Variants in AMZ1 observed in about 807,000 individuals in gnomAD.
AMZ1 encodes archaemetzincin-1.
In AMZ1, 39 loss-of-function variants were observed where a neutral mutation model predicts 29.9. The ratio of observed to expected loss-of-function variants is 1.30; its 90% confidence interval spans 1.01 to 1.70. The LOEUF is 1.70. AMZ1 is among the 40% of genes most tolerant of loss of function. The pLI, the probability that AMZ1 is intolerant of heterozygous loss-of-function variation, is 0.00. For missense variants in AMZ1, 1,041 were observed against 680.6 expected, an observed-to-expected ratio of 1.53 and a Z score of -5.89; for synonymous variants, 458 against 304.0, an observed-to-expected ratio of 1.51 and a Z score of -5.27.
chr7:2,743,462 C>T (rs1790607895), intron 4 of AMZ1, among the ~76,000 whole-genome samples: 1 of 152,164 alleles, frequency 6.6e-6, no homozygotes, highest in Non-Finnish European at 1.5e-5. Flanking sequence ...GATGGCTTGA[C>T]ACAGACTTTA....
intron 1 of AMZ1, among the ~76,000 whole-genome samples, chr7:2,692,409 G>A (rs1008438015): frequency 3.9e-5 from 6 of 152,232 alleles, no homozygotes; most frequent in African/African-American, 1.2e-4. Flanking sequence ...GGGTGTGGTG[G>A]CGGGCGCCTT....
rs1310898869 is a variant in AMZ1, at chr7:2,731,325, G to A, written n.550+21509G>A. 1 of 1,614,060 alleles carries A rather than the reference G, an allele frequency of 6.2e-7. No homozygotes were observed. Among genetic ancestry groups the A allele is most frequent in the Non-Finnish European group, 8.5e-7 (1 of 1,180,000 alleles). The stretch of plus-strand genomic sequence containing the variant: ...TGCGGTTCCGTCTCTTCCTGTCGAA[G>A]CACTGGACCAGGTAGCGCTGGACGT... On this transcript the variant is annotated intron_variant and non_coding_transcript_variant, in intron 4 of 4. Transcript: ENST00000489665. This position sits in a 1 kb window ranked among gnomAD's most constrained non-coding sequence, Gnocchi z 6.0.
At position 2,715,643 on chromosome 7, in the gene AMZ1, G is replaced by C. The variant is rs572474516; in HGVS notation, c.*2765G>C. 2 of 152,290 alleles carry C rather than the reference G, an allele frequency of 1.3e-5. No homozygotes were observed. Among genetic ancestry groups the C allele is most frequent in the East Asian group, 3.9e-4 (2 of 5,188 alleles). 9.4% of individuals were successfully genotyped at this position (152,290 alleles called of 1,614,324 possible). On this transcript the variant is annotated 3_prime_UTR_variant, in exon 7 of 7. Transcript: ENST00000683327. ...GATGTCAGTGAAATTTTTTAAGACA[G>C]CTGTTAGAAGGACTGTTTTGAAATG...
In AMZ1 at chr7:2,708,813, C is replaced by G. The variant is rs544409344; in HGVS notation, c.601+97C>G. ...GCACCCTCTTTGCTTTTGCTTCAAG[C>G]ACCCTCCTGGTGGAAGTCAACACCT... On this transcript the variant is annotated intron_variant, in intron 4 of 6. Transcript: ENST00000683327. The G allele has an allele frequency of 6.4e-6, 10 of 1,570,080 alleles. No homozygotes were observed. The South Asian group carries it at 1.0e-4, about 16-fold the overall frequency.
In AMZ1 at chr7:2,727,726, G is replaced by A. The variant is rs1391433394; in HGVS notation, n.550+17910G>A. Among the ~76,000 whole-genome samples the A allele has an allele frequency of 6.6e-5, 10 of 152,220 alleles. No homozygotes were observed. The South Asian group carries it at 1.7e-3, about 25-fold the overall frequency. ...GGTATGTGGAAATAAAAACTGTGAT[G>A]AATAAATAATAAACCACCTTCAAAT... On this transcript the variant is annotated intron_variant and non_coding_transcript_variant, in intron 4 of 4. Coordinates refer to the AMZ1 transcript ENST00000489665.
Position 2,709,697 on chromosome 7 carries a change from T to C in AMZ1, c.829T>C (p.Cys277Arg). 1.2e-6 allele frequency: 2 copies of C among 1,610,992 alleles called. No homozygotes were observed. The highest frequency in any genetic ancestry group is 1.1e-5 in the South Asian group (1 of 90,990). The change falls in exon 6 of 7, where the codon TGC (cysteine) becomes CGC (arginine). Residue 277 changes from cysteine to arginine, a missense_variant. Coordinates refer to ENST00000683327, the MANE Select transcript of AMZ1 (RefSeq NM_001384743.1). ...CCTGGGGAACTGCCGCTGGCTCCGC[T>C]GCCTCATGCAGGGTGCGCTCAGCCT... ...LGLGNCRWLR[C>R]LMQGALSLDE...
At chr7:2,751,878 C>T (rs111890140) in intron 4 of AMZ1, among the ~76,000 whole-genome samples, 269 of 152,282 alleles carry the variant, frequency 1.8e-3, no homozygotes, top group African/African-American at 6.1e-3. Context: ...AACAAAACTT[C>T]CCCAAAGGAA....
chr7:2,746,995 A>G (rs1035998298), intron 4 of AMZ1, among the ~76,000 whole-genome samples: 2 of 152,244 alleles, frequency 1.3e-5, no homozygotes, highest in African/African-American at 4.8e-5. Flanking sequence ...TGAATAGACC[A>G]ATAACAGGCT....
chr7:2,712,393 T>C lies in AMZ1; in HGVS notation c.1012T>C (p.Ser338Pro). The change falls in exon 7 of 7, where the codon TCA becomes CCA. Residue 338 changes from serine to proline, a missense_variant. Transcript: ENST00000683327. ...TWPSQEAGEP[S>P]VWEDTPPASA... Reference sequence around the variant, plus strand: ...GCCCAGCCAGGAGGCGGGGGAGCCGTCAGTGTGGGAGGACACCCCGCCTGC... The same window carrying C: ...GCCCAGCCAGGAGGCGGGGGAGCCGCCAGTGTGGGAGGACACCCCGCCTGC... 1.2e-6 allele frequency: 2 copies of C among 1,610,430 alleles called. No individual in the cohort carries two copies. The highest frequency in any genetic ancestry group is 1.7e-6 in the Non-Finnish European group (2 of 1,178,840).
chr7:2,712,283 A>ACAAGGGCTG (rs1470598188), intron 6 of AMZ1, 47 bp from the exon 7 acceptor site: 1 of 1,500,244 alleles, frequency 6.7e-7, no homozygotes, highest in Admixed American at 2.3e-5. Context: ...CCCTGGCTAG[A>ACAAGGGCTG]CAAGGGCTGG....
intron 4 of AMZ1, among the ~76,000 whole-genome samples, chr7:2,726,622 C>A (rs1200023376): frequency 6.6e-6 from 1 of 152,226 alleles, no homozygotes; most frequent in African/African-American, 2.4e-5. Flanking sequence ...TTCTGGCGCA[C>A]TCTCTGCCTT....
intron 1 of AMZ1, among the ~76,000 whole-genome samples, chr7:2,696,902 C>T (rs1351748194): frequency 6.6e-6 from 1 of 151,750 alleles, no homozygotes; most frequent in African/African-American, 2.4e-5. Context: ...AAAACAAAAA[C>T]AAAAAACCTT....
At chr7:2,721,887 C>T (rs1012022002), downstream of AMZ1, among the ~76,000 whole-genome samples, 14 of 152,176 alleles carry the variant, frequency 9.2e-5, no homozygotes, top group Non-Finnish European at 1.5e-4. Flanking sequence ...AACTAACCAC[C>T]GTGGCTATAA....
rs552154502 is a variant in AMZ1 at position 2,694,227 on chromosome 7, G to A, written c.-219+5931G>A. Among the ~76,000 whole-genome samples, 3 of 152,334 alleles carry A rather than the reference G, an allele frequency of 2.0e-5. No individual in the cohort carries two copies. In the South Asian group the frequency reaches 6.2e-4, roughly 32 times the overall value. On this transcript the variant is annotated intron_variant, in intron 1 of 6. Coordinates refer to ENST00000683327, the MANE Select transcript of AMZ1 (RefSeq NM_001384743.1). Reference sequence around the variant, plus strand: ...CTCCAGACCCTGAATAGAACAGACGGCAGAGGGAGGAGGAGTTCACCCCTC... The same window carrying A: ...CTCCAGACCCTGAATAGAACAGACGACAGAGGGAGGAGGAGTTCACCCCTC...
At position 2,708,710 on chromosome 7, in the gene AMZ1, G is replaced by C. The variant is rs767412896; in HGVS notation, c.595G>C (p.Gly199Arg). ...WSFTFSKFLPGHEVGVCSFAR... is the reference protein window; with the variant it reads ...WSFTFSKFLPRHEVGVCSFAR... Reference sequence around the variant, plus strand: ...CTTCACCTTCAGCAAGTTCCTTCCAGGGCACGGTGAGCCGGGGCCCCAGCA... The same window carrying C: ...CTTCACCTTCAGCAAGTTCCTTCCACGGCACGGTGAGCCGGGGCCCCAGCA... Residue 199 changes from glycine to arginine, a missense_variant, in exon 4 of 7, where the codon GGG (glycine) becomes CGG (arginine). Gly to Arg is a moderately radical substitution (Grantham distance 125). Transcript: ENST00000683327. 1.2e-6 allele frequency: 2 copies of C among 1,612,594 alleles called. No homozygotes were observed. Among genetic ancestry groups the C allele is most frequent in the Non-Finnish European group, 1.7e-6 (2 of 1,179,986 alleles).
rs1293573878 is a variant in AMZ1, at chr7:2,717,197, G to A, written c.*4319G>A. ...GTGAGGTGCCAACGAAAACACCCCCGTGATTGCTGGGGCTTCACTGATTTG... is the reference window on the plus strand; with the variant it reads ...GTGAGGTGCCAACGAAAACACCCCCATGATTGCTGGGGCTTCACTGATTTG... On this transcript the variant is annotated 3_prime_UTR_variant, in exon 7 of 7. Coordinates refer to ENST00000683327, the MANE Select transcript of AMZ1 (RefSeq NM_001384743.1). 1.3e-5 allele frequency among the ~76,000 whole-genome samples: 2 copies of A among 152,212 alleles called. No homozygotes were observed. The highest frequency in any genetic ancestry group is 4.8e-5 in the African/African-American group (2 of 41,460).
At chr7:2,687,404 G>A (rs1484581815), upstream of AMZ1, among the ~76,000 whole-genome samples, 1 of 152,210 alleles carries the variant, frequency 6.6e-6, no homozygotes, top group Non-Finnish European at 1.5e-5. Flanking sequence ...CGCTGCTGAG[G>A]GCGTGGGGGG....
intron 4 of AMZ1, among the ~76,000 whole-genome samples, chr7:2,734,976 T>C (rs552495432): frequency 1.3e-5 from 2 of 152,222 alleles, no homozygotes; most frequent in African/African-American, 4.8e-5. Flanking sequence ...CAAGCCCCCG[T>C]GATGTGGGAA....
chr7:2,747,488 T>C (rs975395456), intron 4 of AMZ1, among the ~76,000 whole-genome samples: 1 of 152,168 alleles, frequency 6.6e-6, no homozygotes, highest in Non-Finnish European at 1.5e-5. Context: ...TGCTAAAAAC[T>C]CTCAACAAAT....
Sources: gnomAD v4.1 joint callset for allele counts (sites outside exome capture counted in the v4.1 genomes callset) on GRCh38, gnomAD v4.1.1 for gene constraint, Gnocchi (gnomAD v3.1) non-coding constraint, MANE v1.5 for transcripts, NCBI Gene and HGNC (gene_info 2026-07-23, HGNC 2026-07-21) for gene names.